The following XDH variants were observed in gnomAD, a reference collection of about 807,000 sequenced individuals.
XDH encodes xanthine dehydrogenase/oxidase.
Under a neutral mutation model 156.1 loss-of-function variants are expected in XDH, and 138 were observed. The observed-to-expected ratio is 0.88, with a 90% CI of 0.77 to 1.02. The LOEUF (loss-of-function observed/expected upper bound fraction) is 1.02, where lower values mean the gene tolerates loss of function less well. Ranked by LOEUF, XDH falls within the 50% of genes least tolerant of loss-of-function variation. The pLI, the probability that XDH is intolerant of heterozygous loss-of-function variation, is 0.00. For synonymous variants in XDH, 669 were observed against 625.7 expected, an observed-to-expected ratio of 1.07 and a Z score of -1.03; for missense variants, 1,849 against 1,684.9, an observed-to-expected ratio of 1.10 and a Z score of -1.71.
At chr2:31,349,551 G>T in intron 26 of XDH, 135 bp downstream of exon 26, 1 of 1,268,004 alleles carries the variant, frequency 7.9e-7, no homozygotes, top group Non-Finnish European at 1.1e-6. Flanking sequence ...TAAAGAGATG[G>T]CTGTGAATGA....
intron 33 of XDH, among the ~76,000 whole-genome samples, chr2:31,340,296 G>T (rs1486112381): frequency 1.3e-5 from 2 of 152,166 alleles, no homozygotes; most frequent in Non-Finnish European, 2.9e-5. Context: ...GCCACAGTAG[G>T]GGACCATAAA....
At position 31,372,533 on chromosome 2, in the gene XDH, G is replaced by A. The variant is rs993995101; in HGVS notation, c.1687-136C>T. ...AAGAATAAAGAATTCAGAGGGGCGT[G>A]GGGCAAAGGGAACAGGAAGGTGCAT... On this transcript the variant is annotated intron_variant, in intron 16 of 35. Coordinates refer to ENST00000379416, the MANE Select transcript of XDH (RefSeq NM_000379.4). The A allele has an allele frequency of 2.4e-5, 28 of 1,153,402 alleles. No individual in the cohort carries two copies. The East Asian group carries it at 5.5e-4, about 23-fold the overall frequency. 71.4% of individuals were successfully genotyped at this position (1,153,402 alleles called of 1,614,324 possible). A position where few individuals can be genotyped will look rare whatever the true frequency, so the allele number is the denominator to read the frequency against.
chr2:31,397,095 C>A (rs953943670), intron 6 of XDH, among the ~76,000 whole-genome samples: 2 of 152,212 alleles, frequency 1.3e-5, no homozygotes, highest in Non-Finnish European at 2.9e-5. Flanking sequence ...CCTTCCTTGC[C>A]AGATGGCAGG....
Position 31,379,811 on chromosome 2 carries a change from G to C in XDH, c.1242+56C>G, listed in dbSNP as rs1157412528. The C allele has an allele frequency of 3.2e-6, 5 of 1,538,712 alleles. No homozygotes were observed. In the East Asian group the frequency reaches 1.1e-4, roughly 35 times the overall value. On this transcript the variant is annotated intron_variant, in intron 13 of 35. Transcript: ENST00000379416. Reference sequence around the variant, plus strand: ...AAGCAGATTCTGATCTCTTTGTCTAGAGCCTGGCAATAGGACTTATTTGAG... The same window carrying C: ...AAGCAGATTCTGATCTCTTTGTCTACAGCCTGGCAATAGGACTTATTTGAG...
rs767884231 is a variant in XDH at position 31,397,579 on chromosome 2, C to T, written c.495+89G>A. 2.7e-6 allele frequency: 4 copies of T among 1,486,376 alleles called. No individual in the cohort carries two copies. The African/African-American group carries it at 4.2e-5, about 15-fold the overall frequency. The allele number at this position is 1,486,376 out of a possible 1,614,324, so 92.1% of individuals were successfully genotyped here. On this transcript the variant is annotated intron_variant, in intron 6 of 35. Coordinates refer to ENST00000379416, the MANE Select transcript of XDH (RefSeq NM_000379.4). ...CATCTTATCATCATTGTTTGTAGAC[C>T]AGAGGCCCTTGGTCTCCCTCCCCAC...
rs1416637651 is a variant in XDH at position 31,339,540 on chromosome 2, C to G, written c.3723G>C (p.Arg1241Ser). 1.9e-6 allele frequency: 3 copies of G among 1,614,052 alleles called. No individual in the cohort carries two copies. Among genetic ancestry groups the G allele is most frequent in the African/African-American group, 1.3e-5 (1 of 74,920 alleles). Reference sequence around the variant, plus strand: ...TGGGGCAGTCGCGGAGCAGGGACACCCTGAACTCAATGGGGATGCTGCCAA... The same window carrying G: ...TGGGGCAGTCGCGGAGCAGGGACACGCTGAACTCAATGGGGATGCTGCCAA... Reference protein sequence around the residue: ...PAFGSIPIEFRVSLLRDCPNK... With the variant: ...PAFGSIPIEFSVSLLRDCPNK... Residue 1241 changes from arginine to serine, a missense_variant, in exon 34 of 36, where the codon AGG becomes AGC. Physicochemically the swap from Arg to Ser is moderately radical, Grantham distance 110. Transcript: ENST00000379416.
chr2:31,354,275 T>C (rs1317528260), intron 24 of XDH, among the ~76,000 whole-genome samples: 4 of 152,194 alleles, frequency 2.6e-5, no homozygotes, highest in African/African-American at 4.8e-5. Context: ...CCAATTAAAA[T>C]AGAAGGCTTA....
Position 31,335,987 on chromosome 2 carries a change from T to A in XDH, c.3973A>T (p.Asn1325Tyr). ...TTLCVTGVPE[N>Y]CKPWSVRV ...ACCCTCACAGACCAGGGTTTGCAGT[T>A]TTCTGGGACACCAGTGACACACTAG... The change falls in exon 36 of 36, where the codon AAC becomes TAC. Residue 1325 changes from asparagine (N) to tyrosine (Y), a missense_variant. Transcript: ENST00000379416. 2 of 1,614,200 alleles carry A rather than the reference T, an allele frequency of 1.2e-6. No individual in the cohort carries two copies. Among genetic ancestry groups the A allele is most frequent in the Non-Finnish European group, 1.7e-6 (2 of 1,180,034 alleles).
Position 31,375,387 on chromosome 2 carries a change from A to T in XDH, c.1595T>A (p.Leu532Gln), listed in dbSNP as rs1686217202. ...TVLQKLGQEN[L>Q]EDKCGKLDPT... ...TGGCCAGGCCCCACTCACGTCTTCC[A>T]GGTTCTCTTGGCCCAGCTTCTGAAG... The change falls in exon 15 of 36, where the codon CTG becomes CAG. Residue 532 changes from leucine to glutamine, a missense_variant. Leu to Gln is a moderately radical substitution (Grantham distance 113, BLOSUM62 -2). Coordinates refer to ENST00000379416, the MANE Select transcript of XDH (RefSeq NM_000379.4). 6.2e-7 allele frequency: 1 copy of T among 1,614,186 alleles called. No homozygotes were observed. Among genetic ancestry groups the T allele is most frequent in the Non-Finnish European group, 8.5e-7 (1 of 1,180,042 alleles).
chr2:31,380,083 G>T, intron 12 of XDH, 107 bp from the exon 13 acceptor site: 1 of 1,083,774 alleles, frequency 9.2e-7, no homozygotes, highest in Non-Finnish European at 1.4e-6. Flanking sequence ...GGTCTCCAAT[G>T]CCCACAGTCA....
At chr2:31,402,794 T>TCTTCTA (rs1687096934) in intron 3 of XDH, among the ~76,000 whole-genome samples, 1 of 152,188 alleles carries the variant, frequency 6.6e-6, no homozygotes, top group South Asian at 2.1e-4. Flanking sequence ...ATTGAAGGGC[T>TCTTCTA]TTATGGAATG....
At chr2:31,376,336 C>G (rs1411477152) in intron 14 of XDH, among the ~76,000 whole-genome samples, 1 of 149,752 alleles carries the variant, frequency 6.7e-6, no homozygotes, top group East Asian at 1.9e-4. Flanking sequence ...AGAAGCAATG[C>G]CAAAAAGTAG....
In XDH at chr2:31,383,838, A is replaced by G. The variant is rs780906180; in HGVS notation, c.803T>C (p.Met268Thr). The G allele has an allele frequency of 6.2e-7, 1 of 1,613,944 alleles. No homozygotes were observed. The highest frequency in any genetic ancestry group is 8.5e-7 in the Non-Finnish European group (1 of 1,179,984). ...AGGAAACAGCATATTCTTGAACTTC[A>G]TCTCAATGCCTAGAGAGAAACAAGA... The part of the protein sequence containing the change: ...VVGNTEIGIE[M>T]KFKNMLFPMI... The change falls in exon 10 of 36, where the codon ATG becomes ACG. Residue 268 changes from methionine (M) to threonine (T), a missense_variant. Physicochemically the swap from Met to Thr is moderately conservative, Grantham distance 81 (BLOSUM62 -1). Coordinates refer to ENST00000379416, the MANE Select transcript of XDH (RefSeq NM_000379.4).
intron 10 of XDH, 110 bp downstream of exon 10, chr2:31,383,645 A>AG: frequency 1.0e-6 from 1 of 994,186 alleles, no homozygotes; most frequent in Non-Finnish European, 1.6e-6. Context: ...CAGGAGAAGC[A>AG]GGGGGCAGCC....
At chr2:31,402,150 A>T (rs1310305734) in intron 3 of XDH, among the ~76,000 whole-genome samples, 2 of 152,172 alleles carry the variant, frequency 1.3e-5, no homozygotes, top group African/African-American at 4.8e-5. Context: ...CTTCTTACGA[A>T]TATCTTTATA....
At position 31,349,734 on chromosome 2, in the gene XDH, G is replaced by T; in HGVS notation, c.2921C>A (p.Ala974Glu). The change falls in exon 26 of 36, where the codon GCA (alanine) becomes GAA (glutamate). Residue 974 changes from alanine to glutamate, a missense_variant. Physicochemically the swap from Ala to Glu is moderately radical, Grantham distance 107. Transcript: ENST00000379416. Reference protein sequence around the residue: ...TLPRCWEECLASSQYHARKSE... With the variant: ...TLPRCWEECLESSQYHARKSE... ...CTTCCGAGCATGATACTGAGAGCTT[G>T]CTAGGCATTCTTCCCAGCATCTGGG... 1 of 1,614,176 alleles carries T rather than the reference G, an allele frequency of 6.2e-7. No individual in the cohort carries two copies. Among genetic ancestry groups the T allele is most frequent in the Non-Finnish European group, 8.5e-7 (1 of 1,180,040 alleles).
chr2:31,337,721 C>CG lies in XDH; in HGVS notation c.3870dup (p.Val1291ArgfsTer98). The CG allele has an allele frequency of 1.2e-6, 2 of 1,614,196 alleles. No homozygotes were observed. Among genetic ancestry groups the CG allele is most frequent in the Non-Finnish European group, 1.7e-6 (2 of 1,180,032 alleles). ...CTGTCTAGCCGGAAGAGTTCCTTCA[C>CG]GTTATTACCTGTGTGCTGAGCTCGA... On this transcript the variant is annotated frameshift_variant, in exon 35 of 36. Transcript: ENST00000379416. LOFTEE classifies it high-confidence loss of function.
intron 15 of XDH, among the ~76,000 whole-genome samples, chr2:31,375,018 T>G (rs891407786): frequency 1.6e-4 from 17 of 107,908 alleles, no homozygotes; most frequent in South Asian, 1.4e-3. Context: ...TTTCTTTCTT[T>G]CTTTCTTTTT....
intron 24 of XDH, among the ~76,000 whole-genome samples, chr2:31,356,120 T>C (rs952069061): frequency 3.9e-5 from 6 of 152,110 alleles, no homozygotes; most frequent in African/African-American, 1.4e-4. Flanking sequence ...GAAAAAGATA[T>C]GAAGTAAAGA....
Sources: gnomAD v4.1 joint callset for allele counts (sites outside exome capture counted in the v4.1 genomes callset) on GRCh38, gnomAD v4.1.1 for gene constraint, MANE v1.5 for transcripts, NCBI Gene and HGNC (gene_info 2026-07-23, HGNC 2026-07-21) for gene names.